The following BMPER variants were observed in gnomAD, a reference collection of about 807,000 sequenced individuals.
BMPER encodes BMP binding endothelial regulator, also known as BMP-binding endothelial regulator protein.
BMPER carries 45 observed loss-of-function variants against 87.3 expected under a neutral mutation model. The ratio of observed to expected loss-of-function variants is 0.52; its 90% CI spans 0.41 to 0.66. The LOEUF (loss-of-function observed/expected upper bound fraction) is 0.66. BMPER is among the 30% of genes least tolerant of loss of function. BMPER has a pLI of 0.00. For missense variants in BMPER, 784 were observed against 867.5 expected, an observed-to-expected ratio of 0.90 and a Z score of 1.21; for synonymous variants, 326 against 316.2, an observed-to-expected ratio of 1.03 and a Z score of -0.33.
chr7:34,136,472 CA>C lies in BMPER; in HGVS notation c.1746-6756del, dbSNP rs368207223. Among the ~76,000 whole-genome samples the C allele has an allele frequency of 2.4e-3, 367 of 152,270 alleles. 1 individual carries two copies. The highest frequency in any genetic ancestry group is 6.8e-3 in the Middle Eastern group (2 of 294). On this transcript the variant is annotated intron_variant, in intron 13 of 14. Transcript: ENST00000649409. ...GATTAGGGAAATTAGGGCAGGATTT[CA>C]AGGATTAAAATGTGAGTTTTTTAAT...
At chr7:34,081,131 A>T (rs1585811779) in intron 12 of BMPER, among the ~76,000 whole-genome samples, 1 of 152,202 alleles carries the variant, frequency 6.6e-6, no homozygotes, top group African/African-American at 2.4e-5. Context: ...TCCTCTGGGC[A>T]TTGAACTTAC....
chr7:33,993,789 T>C (rs914724255), intron 6 of BMPER, among the ~76,000 whole-genome samples: 1 of 152,178 alleles, frequency 6.6e-6, no homozygotes, highest in Non-Finnish European at 1.5e-5. Context: ...GATGTACAGA[T>C]GGGTTTTTGG....
At chr7:34,003,364 A>G (rs1180887167) in intron 6 of BMPER, among the ~76,000 whole-genome samples, 3 of 151,930 alleles carry the variant, frequency 2.0e-5, no homozygotes, top group Non-Finnish European at 2.9e-5. Context: ...TTGTTCCAAT[A>G]TATCTCTATT....
intron 14 of BMPER, among the ~76,000 whole-genome samples, chr7:34,148,900 G>A (rs1791098525): frequency 6.6e-6 from 1 of 152,180 alleles, no homozygotes; most frequent in South Asian, 2.1e-4. Context: ...AGCCTCTAGA[G>A]GGCAAGTGAG....
intron 6 of BMPER, among the ~76,000 whole-genome samples, chr7:34,012,287 T>C (rs938564643): frequency 5.3e-5 from 8 of 151,862 alleles, no homozygotes; most frequent in African/African-American, 1.9e-4. Context: ...TGCAACCTCT[T>C]ACAACTTCTC....
At chr7:34,128,796 G>A (rs1258528786) in intron 13 of BMPER, among the ~76,000 whole-genome samples, 1 of 152,140 alleles carries the variant, frequency 6.6e-6, no homozygotes, top group East Asian at 1.9e-4. Context: ...GATAGAAGCT[G>A]TCATTGTCTA....
intron 13 of BMPER, among the ~76,000 whole-genome samples, chr7:34,111,175 C>A (rs553442090): frequency 2.0e-5 from 3 of 152,106 alleles, no homozygotes; most frequent in African/African-American, 4.8e-5. Context: ...TTTTCGTAAG[C>A]GTTTATGGAA....
At chr7:34,024,387 ATATATATATATATATATATATATATATAT>A (rs1787297123) in intron 6 of BMPER, among the ~76,000 whole-genome samples, 26 of 5,896 alleles carry the variant, frequency 4.4e-3, no homozygotes, top group East Asian at 0.01. Flanking sequence ...AAAAAACAAT[ATATATATATATATATATATATATATATAT>A]ATATATATAT....
At chr7:33,985,674 C>T (rs1785987016) in intron 6 of BMPER, among the ~76,000 whole-genome samples, 1 of 151,456 alleles carries the variant, frequency 6.6e-6, no homozygotes, top group Admixed American at 6.6e-5. Flanking sequence ...ATCTTGTTTT[C>T]ATGGCATTTG....
intron 7 of BMPER, among the ~76,000 whole-genome samples, chr7:34,046,939 T>C (rs1356939185): frequency 6.6e-6 from 1 of 151,452 alleles, no homozygotes; most frequent in Non-Finnish European, 1.5e-5. Context: ...TTTTTTTTTT[T>C]CTCATTTTAT....
chr7:34,124,031 T>C (rs971069239), intron 13 of BMPER, among the ~76,000 whole-genome samples: 1 of 152,232 alleles, frequency 6.6e-6, no homozygotes, highest in Non-Finnish European at 1.5e-5. Flanking sequence ...ACATTTGCCC[T>C]TGTCCTTTAA....
intron 2 of BMPER, among the ~76,000 whole-genome samples, chr7:33,932,396 G>A: frequency 6.6e-6 from 1 of 152,186 alleles, no homozygotes; most frequent in East Asian, 1.9e-4. Flanking sequence ...AGCCTTCTTA[G>A]TTTCCTGAAA....
chr7:33,929,249 T>A (rs931777658), intron 2 of BMPER, among the ~76,000 whole-genome samples: 1 of 152,146 alleles, frequency 6.6e-6, no homozygotes, highest in Non-Finnish European at 1.5e-5. Context: ...TGCATGATGT[T>A]CTTGCAAGAC....
intron 13 of BMPER, among the ~76,000 whole-genome samples, chr7:34,140,111 G>A (rs1790825391): frequency 6.6e-6 from 1 of 152,200 alleles, no homozygotes; most frequent in Non-Finnish European, 1.5e-5. Flanking sequence ...TCTGTGATCA[G>A]CCCTGTGACA....
intron 13 of BMPER, among the ~76,000 whole-genome samples, chr7:34,089,919 A>G (rs369345220): frequency 6.6e-6 from 1 of 152,216 alleles, no homozygotes; most frequent in Admixed American, 6.5e-5. Context: ...ACTTCATAGT[A>G]ATCAATATTT....
chr7:34,077,127 A>G (rs1788886301), intron 11 of BMPER, among the ~76,000 whole-genome samples: 1 of 152,194 alleles, frequency 6.6e-6, no homozygotes, highest in African/African-American at 2.4e-5. Flanking sequence ...TCCCTCAACC[A>G]AAAAGCAACA....
intron 6 of BMPER, among the ~76,000 whole-genome samples, chr7:34,042,130 C>A (rs187779599): frequency 2.0e-5 from 3 of 152,240 alleles, no homozygotes; most frequent in Admixed American, 1.3e-4. Flanking sequence ...TTACATAAAG[C>A]AATTGTGTTC....
intron 13 of BMPER, among the ~76,000 whole-genome samples, chr7:34,126,250 G>A (rs139078057): frequency 6.6e-6 from 1 of 152,316 alleles, no homozygotes; most frequent in African/African-American, 2.4e-5. Flanking sequence ...CATTTTTAAG[G>A]AAAAGCAGGA....
chr7:33,942,636 A>G (rs1172029923), intron 3 of BMPER, among the ~76,000 whole-genome samples: 1 of 152,152 alleles, frequency 6.6e-6, no homozygotes, highest in Non-Finnish European at 1.5e-5. Context: ...CCTGTTGGAG[A>G]AATGAGAACC....
Sources: allele counts gnomAD v4.1 joint callset (sites outside exome capture counted in the v4.1 genomes callset), GRCh38; gene constraint gnomAD v4.1.1; transcripts MANE v1.5; gene names NCBI Gene and HGNC (gene_info 2026-07-23, HGNC 2026-07-21).